The following NOS1AP variants were observed in gnomAD, a reference collection of about 807,000 sequenced individuals.
NOS1AP encodes the protein nitric oxide synthase 1 adaptor protein, also known as carboxyl-terminal PDZ ligand of neuronal nitric oxide synthase protein.
NOS1AP carries 21 observed loss-of-function variants against 56.2 expected under a neutral mutation model. That is an observed-to-expected ratio of 0.37 (90% CI 0.26 to 0.54). The LOEUF (loss-of-function observed/expected upper bound fraction) is 0.54, where lower values mean the gene tolerates loss of function less well. Among genes scored for constraint, NOS1AP ranks in the 20% least tolerant of loss-of-function variants. The pLI, the probability that NOS1AP is intolerant of heterozygous loss-of-function variation, is 0.84. For synonymous variants in NOS1AP, 270 were observed against 274.6 expected (o/e 0.98, Z 0.17); for missense variants, 522 against 657.8 (o/e 0.79, Z 2.26).
intron 4 of NOS1AP, among the ~76,000 whole-genome samples, chr1:162,319,183 A>G (rs1656329745): frequency 6.6e-6 from 1 of 152,134 alleles, no homozygotes; most frequent in East Asian, 1.9e-4. Context: ...AGAAAACTAA[A>G]ACTTGAGCAT....
At chr1:162,258,763 GC>G (rs1238033242) in intron 2 of NOS1AP, among the ~76,000 whole-genome samples, 3 of 152,162 alleles carry the variant, frequency 2.0e-5, no homozygotes, top group African/African-American at 7.2e-5. Flanking sequence ...GGGTGAGAGT[GC>G]CCACAAACCA....
rs1653685030 is a variant in NOS1AP at position 162,246,941 on chromosome 1, TA to T, written c.178-40400del. On this transcript the variant is annotated intron_variant, in intron 2 of 9. Transcript: ENST00000361897. ...TAAAACTGTAGGAATCAGGGATTTT[TA>T]AATTTTGGAAGTCATTTTGTGGGAA... Among the ~76,000 whole-genome samples the T allele has an allele frequency of 2.0e-5, 3 of 152,172 alleles. No homozygotes were observed. The South Asian group carries it at 6.2e-4, about 32-fold the overall frequency.
chr1:162,328,434 G>A (rs115170536), intron 4 of NOS1AP, among the ~76,000 whole-genome samples: 1,997 of 152,274 alleles, frequency 0.013, 18 homozygotes, highest in South Asian at 0.024. Context: ...TGGCCATTTG[G>A]AAGAGGAGTA....
At chr1:162,258,762 T>C (rs1223147175) in intron 2 of NOS1AP, among the ~76,000 whole-genome samples, 3 of 152,126 alleles carry the variant, frequency 2.0e-5, no homozygotes, top group Non-Finnish European at 4.4e-5. Flanking sequence ...AGGGTGAGAG[T>C]GCCCACAAAC....
At chr1:162,264,820 T>C (rs1654368178) in intron 2 of NOS1AP, among the ~76,000 whole-genome samples, 1 of 150,800 alleles carries the variant, frequency 6.6e-6, no homozygotes, top group Non-Finnish European at 1.5e-5. Context: ...CCGACCTTTT[T>C]TTTTTTTTTT....
intron 5 of NOS1AP, among the ~76,000 whole-genome samples, chr1:162,334,217 C>T (rs1420207612): frequency 6.6e-6 from 1 of 152,200 alleles, no homozygotes; most frequent in African/African-American, 2.4e-5. Flanking sequence ...GCCTCTTCCT[C>T]TATGGAGATT....
Position 162,298,713 on chromosome 1 carries a change from G to C in NOS1AP, c.271-1920G>C, listed in dbSNP as rs952535373. 6.6e-5 allele frequency among the ~76,000 whole-genome samples: 10 copies of C among 152,114 alleles called. No individual in the cohort carries two copies. The South Asian group carries it at 2.1e-3, about 32-fold the overall frequency. ...TTCTGTAAAAAAAAGACAATCAACT[G>C]GTGCTAACACCAAGATAACAGAGAT... On this transcript the variant is annotated intron_variant, in intron 3 of 9. Transcript: ENST00000361897.
intron 1 of NOS1AP, among the ~76,000 whole-genome samples, chr1:162,109,467 A>G (rs894763080): frequency 1.3e-5 from 2 of 152,088 alleles, no homozygotes; most frequent in African/African-American, 4.8e-5. Flanking sequence ...TTTATTTGGG[A>G]TTTGTTTTTA....
At chr1:162,092,232 C>T (rs1692152099) in intron 1 of NOS1AP, among the ~76,000 whole-genome samples, 1 of 152,132 alleles carries the variant, frequency 6.6e-6, no homozygotes, top group Admixed American at 6.5e-5. Flanking sequence ...GGTATTCATT[C>T]ATTCTTTTGT....
rs189696274 is a variant in NOS1AP at position 162,203,109 on chromosome 1, C to G, written c.177+48633C>G. 4.9e-3 allele frequency among the ~76,000 whole-genome samples: 750 copies of G among 152,190 alleles called. 5 individuals carry two copies. The highest frequency in any genetic ancestry group is 0.016 in the African/African-American group (654 of 41,504). On this transcript the variant is annotated intron_variant, in intron 2 of 9. Transcript: ENST00000361897. ...TCATCTAGAGAGGCTATCAGAGGAA[C>G]CTGCTCATTTCTTTGGTCTCATTAG... is the stretch of plus-strand genomic sequence containing the variant.
chr1:162,311,127 C>T (rs535636004), intron 4 of NOS1AP, among the ~76,000 whole-genome samples: 19 of 152,240 alleles, frequency 1.2e-4, no homozygotes, highest in Non-Finnish European at 2.6e-4. Flanking sequence ...TGCAGGTCCT[C>T]ATGGCCTGGC....
chr1:162,365,110 G>A, intron 8 of NOS1AP: 4 of 1,367,172 alleles, frequency 2.9e-6, no homozygotes, highest in Non-Finnish European at 3.8e-6. Flanking sequence ...GTGTGTGGCA[G>A]GTCTAGAGGG....
chr1:162,340,030 C>T (rs1313532309), intron 5 of NOS1AP, among the ~76,000 whole-genome samples: 1 of 152,214 alleles, frequency 6.6e-6, no homozygotes, highest in East Asian at 1.9e-4. Context: ...TTAGCCCCTT[C>T]TGACTCCCTG....
chr1:162,324,734 C>T (rs973288580), intron 4 of NOS1AP, among the ~76,000 whole-genome samples: 1 of 152,084 alleles, frequency 6.6e-6, no homozygotes. Context: ...CACAGTAGAT[C>T]TTTGTAACAA....
At chr1:162,127,391 C>T (rs979311678) in intron 1 of NOS1AP, among the ~76,000 whole-genome samples, 15 of 151,986 alleles carry the variant, frequency 9.9e-5, no homozygotes, top group Non-Finnish European at 1.5e-5. Context: ...ACATAAACAC[C>T]GTTTTACTAT....
chr1:162,154,873 C>T lies in NOS1AP; in HGVS notation c.177+397C>T, dbSNP rs925420716. ...TTCACCGTGTTGCCCAGGCTGGTCT[C>T]GAACTGCAGAACTCAGGCAATCCAC... On this transcript the variant is annotated intron_variant, in intron 2 of 9. Coordinates refer to ENST00000361897, the MANE Select transcript of NOS1AP (RefSeq NM_014697.3). Among the ~76,000 whole-genome samples the T allele has an allele frequency of 4.6e-5, 7 of 152,086 alleles. No homozygotes were observed. The East Asian group carries it at 1.2e-3, about 25-fold the overall frequency.
chr1:162,127,123 CA>C (rs1648522643), intron 1 of NOS1AP, among the ~76,000 whole-genome samples: 1 of 151,646 alleles, frequency 6.6e-6, no homozygotes, highest in African/African-American at 2.4e-5. Context: ...TTTTTTAAAT[CA>C]GGGTTTTGGT....
In NOS1AP at chr1:162,369,143, A is replaced by C. The variant is rs183572528; in HGVS notation, c.*1676A>C. ...TGTGTGAGGGAAAGTGTGTACATAT[A>C]TGTAGGATTGTAACCAGACGGAAAA... On this transcript the variant is annotated 3_prime_UTR_variant, in exon 10 of 10. Coordinates refer to ENST00000361897, the MANE Select transcript of NOS1AP (RefSeq NM_014697.3). 6.6e-6 allele frequency: 1 copy of C among 152,284 alleles called. No individual in the cohort carries two copies. Among genetic ancestry groups the C allele is most frequent in the African/African-American group, 2.4e-5 (1 of 41,542 alleles). 9.4% of individuals were successfully genotyped at this position (152,284 alleles called of 1,614,324 possible). A position where few individuals can be genotyped will look rare whatever the true frequency, so the allele number is the denominator to read the frequency against.
At chr1:162,258,940 G>A (rs963336419) in intron 2 of NOS1AP, among the ~76,000 whole-genome samples, 8 of 152,250 alleles carry the variant, frequency 5.3e-5, no homozygotes, top group African/African-American at 1.9e-4. Flanking sequence ...GGTTCCATTA[G>A]GACCTCTGAT....
Sources: gnomAD v4.1 joint callset for allele counts (sites outside exome capture counted in the v4.1 genomes callset) on GRCh38, gnomAD v4.1.1 for gene constraint, MANE v1.5 for transcripts, NCBI Gene and HGNC (gene_info 2026-07-23, HGNC 2026-07-21) for gene names.